The following PARVA variants were observed in gnomAD, a reference collection of about 807,000 sequenced individuals.
PARVA encodes the protein parvin alpha.
In PARVA, 25 loss-of-function variants were observed where a neutral mutation model predicts 52.6. That is an observed-to-expected ratio of 0.48 (90% CI 0.35 to 0.66). PARVA has a LOEUF of 0.66. PARVA is among the 30% of genes least tolerant of loss of function. The pLI, the probability that PARVA is intolerant of heterozygous loss-of-function variation, is 0.01. For synonymous variants in PARVA, 185 were observed against 179.1 expected (o/e 1.03, Z -0.26); for missense variants, 373 against 450.9 (o/e 0.83, Z 1.56).
intron 1 of PARVA, among the ~76,000 whole-genome samples, chr11:12,434,185 C>T (rs1940355565): frequency 6.6e-6 from 1 of 152,180 alleles, no homozygotes; most frequent in Non-Finnish European, 1.5e-5. Context: ...ACCACGTAAG[C>T]AGTTTTTCCA....
At chr11:12,522,698 C>T (rs998962816) in intron 12 of PARVA, among the ~76,000 whole-genome samples, 7 of 151,824 alleles carry the variant, frequency 4.6e-5, no homozygotes, top group Admixed American at 2.6e-4. Flanking sequence ...GGATTACAGG[C>T]GTGAGCCACC....
chr11:12,474,066 A>C, intron 3 of PARVA, 83 bp downstream of exon 3: 1 of 1,095,654 alleles, frequency 9.1e-7, no homozygotes, highest in Non-Finnish European at 1.4e-6. Flanking sequence ...CAGGTACCCC[A>C]CGAGCCCCTG....
intron 1 of PARVA, among the ~76,000 whole-genome samples, chr11:12,407,336 T>A (rs1939927185): frequency 6.6e-6 from 1 of 152,220 alleles, no homozygotes; most frequent in South Asian, 2.1e-4. Flanking sequence ...AAATAGTGGA[T>A]AAATTTAGTT....
At chr11:12,467,063 C>A (rs1196567244) in intron 1 of PARVA, among the ~76,000 whole-genome samples, 3 of 152,182 alleles carry the variant, frequency 2.0e-5, no homozygotes, top group African/African-American at 7.2e-5. Flanking sequence ...TAATCTTCTG[C>A]ATATCAGAAG....
intron 1 of PARVA, among the ~76,000 whole-genome samples, chr11:12,437,261 A>G (rs1940398956): frequency 6.6e-6 from 1 of 152,240 alleles, no homozygotes; most frequent in South Asian, 2.1e-4. Flanking sequence ...AGAAGAGGTG[A>G]GGTACAAGAA....
At chr11:12,451,296 T>G (rs558665553) in intron 1 of PARVA, among the ~76,000 whole-genome samples, 26 of 152,336 alleles carry the variant, frequency 1.7e-4, no homozygotes, top group African/African-American at 5.5e-4. Flanking sequence ...CTCTAGCAGC[T>G]AAAAGCTCAT....
rs138564689 is a variant in PARVA, at chr11:12,399,815, A to G, written c.136+22032A>G. Among the ~76,000 whole-genome samples the G allele has an allele frequency of 4.1e-3, 632 of 152,356 alleles. 9 individuals are homozygous for G. Among genetic ancestry groups the G allele is most frequent in the African/African-American group, 0.015 (607 of 41,578 alleles). ...AATATAGCCATTTGGAAGATGTACC[A>G]TAGATTACCAACCTTTTCCCTCATT... On this transcript the variant is annotated intron_variant, in intron 1 of 12. Transcript: ENST00000334956.
intron 1 of PARVA, among the ~76,000 whole-genome samples, chr11:12,459,923 C>G (rs1940753830): frequency 6.6e-6 from 1 of 152,162 alleles, no homozygotes; most frequent in South Asian, 2.1e-4. Context: ...AAACACTGCT[C>G]AAATATCACC....
At chr11:12,434,929 C>A (rs1040232486) in intron 1 of PARVA, among the ~76,000 whole-genome samples, 1 of 152,188 alleles carries the variant, frequency 6.6e-6, no homozygotes, top group Admixed American at 6.5e-5. Context: ...TCTAACATAA[C>A]CCCAGTCCTC....
rs188396824 is a variant in PARVA, at chr11:12,394,690, C to T, written c.136+16907C>T. On this transcript the variant is annotated intron_variant, in intron 1 of 12. Transcript: ENST00000334956. ...TATCTGAAATTTTCCATTATGATTA[C>T]AATCATCCTCCTGTATACACAAGAG... 5.3e-3 allele frequency among the ~76,000 whole-genome samples: 808 copies of T among 152,300 alleles called. 8 individuals carry two copies. The highest frequency in any genetic ancestry group is 0.014 in the Middle Eastern group (4 of 294).
intron 3 of PARVA, 73 bp downstream of exon 3, chr11:12,474,056 C>T (rs946287583): frequency 6.6e-6 from 8 of 1,220,538 alleles, no homozygotes; most frequent in Non-Finnish European, 7.1e-6. Context: ...CTGCTCTGTG[C>T]AGGTACCCCA....
At chr11:12,411,090 A>G (rs1564840738) in intron 1 of PARVA, among the ~76,000 whole-genome samples, 1 of 152,254 alleles carries the variant, frequency 6.6e-6, no homozygotes, top group African/African-American at 2.4e-5. Context: ...TAATGTTACT[A>G]GAGCACAAGT....
chr11:12,481,494 T>G (rs983289253), intron 4 of PARVA, among the ~76,000 whole-genome samples: 1 of 152,122 alleles, frequency 6.6e-6, no homozygotes, highest in African/African-American at 2.4e-5. Context: ...CCATCTTATA[T>G]TTTTCTTACT....
chr11:12,525,148 T>A (rs926675611), intron 12 of PARVA, among the ~76,000 whole-genome samples: 1 of 151,698 alleles, frequency 6.6e-6, no homozygotes, highest in Non-Finnish European at 1.5e-5. Context: ...CAAATGAGAG[T>A]GGGAAGGTAG....
intron 1 of PARVA, among the ~76,000 whole-genome samples, chr11:12,416,652 AAAGAGAAAGAAGCGAGTG>A (rs1389454770): frequency 6.6e-6 from 1 of 152,024 alleles, no homozygotes; most frequent in Non-Finnish European, 1.5e-5. Flanking sequence ...ATCAGGGGAG[AAAGAGAAAGAAGCGAGTG>A]GAGAGAAAGA....
At chr11:12,417,151 C>G (rs1040748068) in intron 1 of PARVA, among the ~76,000 whole-genome samples, 1 of 152,168 alleles carries the variant, frequency 6.6e-6, no homozygotes, top group Non-Finnish European at 1.5e-5. Flanking sequence ...ATTACAAAAA[C>G]ATTTTGATCC....
chr11:12,497,358 G>A (rs1001503700), intron 5 of PARVA, among the ~76,000 whole-genome samples: 4 of 152,090 alleles, frequency 2.6e-5, no homozygotes, highest in African/African-American at 9.7e-5. Context: ...ACTGTGTTTT[G>A]CCTTTAACTA....
At chr11:12,422,877 A>G (rs1366377003) in intron 1 of PARVA, among the ~76,000 whole-genome samples, 1 of 152,100 alleles carries the variant, frequency 6.6e-6, no homozygotes, top group Non-Finnish European at 1.5e-5. Context: ...TTTATTTGAT[A>G]CTGAGTCTTG....
At chr11:12,378,373 A>C (rs1260524431) in intron 1 of PARVA, among the ~76,000 whole-genome samples, 1 of 152,112 alleles carries the variant, frequency 6.6e-6, no homozygotes, top group Non-Finnish European at 1.5e-5. Flanking sequence ...GTAGGTGGAC[A>C]TCGAGTGTTT....
Sources: allele counts gnomAD v4.1 joint callset (sites outside exome capture counted in the v4.1 genomes callset), GRCh38; gene constraint gnomAD v4.1.1; transcripts MANE v1.5; gene names NCBI Gene and HGNC (gene_info 2026-07-23, HGNC 2026-07-21).